Variants in WWC2 observed in about 807,000 individuals in gnomAD.
WWC2 encodes the protein protein WWC2.
Under a neutral mutation model 138.5 loss-of-function variants are expected in WWC2, and 101 were observed. The observed-to-expected ratio is 0.73, with a 90% confidence interval of 0.62 to 0.86. WWC2 has a LOEUF of 0.86. Among genes scored for constraint, WWC2 ranks in the 40% least tolerant of loss-of-function variants. The probability of loss-of-function intolerance (pLI) is 0.00; values close to 1 mark genes in which losing one functional copy is unlikely to be tolerated. For missense variants in WWC2, 1,420 were observed against 1,419.4 expected, an observed-to-expected ratio of 1.00 and a Z score of -0.01; for synonymous variants, 558 against 538.4, an observed-to-expected ratio of 1.04 and a Z score of -0.50.
chr4:183,213,834 T>C (rs970773020), intron 4 of WWC2, among the ~76,000 whole-genome samples: 2 of 152,168 alleles, frequency 1.3e-5, no homozygotes, highest in African/African-American at 4.8e-5. Flanking sequence ...GCAAAATTTA[T>C]TATTTATTTA....
chr4:183,270,757 C>T (rs1452852561), intron 15 of WWC2, among the ~76,000 whole-genome samples: 1 of 152,082 alleles, frequency 6.6e-6, no homozygotes, highest in Non-Finnish European at 1.5e-5. Context: ...GAGCAAGACT[C>T]CATCTCAAAA....
intron 21 of WWC2, among the ~76,000 whole-genome samples, chr4:183,312,101 T>C (rs1739270083): frequency 6.6e-6 from 1 of 152,216 alleles, no homozygotes; most frequent in Non-Finnish European, 1.5e-5. Flanking sequence ...ACATATTGCC[T>C]GTGTAATTAG....
chr4:183,148,166 G>T (rs1268683335), intron 1 of WWC2, among the ~76,000 whole-genome samples: 1 of 152,088 alleles, frequency 6.6e-6, no homozygotes, highest in Non-Finnish European at 1.5e-5. Context: ...CCCCTTCATG[G>T]ACAAATACCT....
At chr4:183,284,470 G>C in intron 19 of WWC2, 80 bp downstream of exon 19, 1 of 1,526,094 alleles carries the variant, frequency 6.6e-7, no homozygotes, top group African/African-American at 1.4e-5. Flanking sequence ...CAAAGGACAA[G>C]AGACTGTGCA....
At chr4:183,273,184 A>G (rs1737747556) in intron 16 of WWC2, among the ~76,000 whole-genome samples, 1 of 150,386 alleles carries the variant, frequency 6.6e-6, no homozygotes, top group South Asian at 2.1e-4. Flanking sequence ...CATTTCCCTA[A>G]TGACTAATGA....
At chr4:183,224,549 A>AGTTTTGTTTTTG (rs1736017342) in intron 4 of WWC2, among the ~76,000 whole-genome samples, 1 of 107,672 alleles carries the variant, frequency 9.3e-6, no homozygotes, top group African/African-American at 4.3e-5. Flanking sequence ...GTTTTTGTTT[A>AGTTTTGTTTTTG]GTTTTGTTTT....
intron 21 of WWC2, among the ~76,000 whole-genome samples, chr4:183,293,551 A>C (rs1485341585): frequency 1.3e-5 from 2 of 152,354 alleles, no homozygotes; most frequent in African/African-American, 2.4e-5. Flanking sequence ...TTTCTTTAAA[A>C]TCAAACACAA....
At chr4:183,306,573 AT>A (rs879541491) in intron 21 of WWC2, among the ~76,000 whole-genome samples, 82 of 147,466 alleles carry the variant, frequency 5.6e-4, no homozygotes, top group South Asian at 6.4e-4. Context: ...AGGGGTAACA[AT>A]TTTTTTTTTT....
At chr4:183,185,459 A>C (rs1560831521) in intron 1 of WWC2, among the ~76,000 whole-genome samples, 1 of 152,246 alleles carries the variant, frequency 6.6e-6, no homozygotes, top group Non-Finnish European at 1.5e-5. Context: ...CGTAAAAAAG[A>C]GGAAAGTATT....
chr4:183,313,722 C>T (rs1739339379), intron 22 of WWC2, among the ~76,000 whole-genome samples: 1 of 151,544 alleles, frequency 6.6e-6, no homozygotes, highest in African/African-American at 2.4e-5. Flanking sequence ...GCACCAATCA[C>T]TGAAGGGCTC....
Position 183,319,339 on chromosome 4 carries a change from A to G in WWC2, c.*3610A>G. On this transcript the variant is annotated 3_prime_UTR_variant, in exon 23 of 23. Coordinates refer to ENST00000403733, the MANE Select transcript of WWC2 (RefSeq NM_024949.6). ...AAATTGAGAAAACTCATCCACAGTA[A>G]TGGGTGTCATTACTATTCAGTCTTG... The G allele has an allele frequency of 1.9e-6, 1 of 520,704 alleles. No homozygotes were observed. The highest frequency in any genetic ancestry group is 3.3e-6 in the Non-Finnish European group (1 of 298,714). The allele number at this position is 520,704 out of a possible 1,614,324, so 32.3% of individuals were successfully genotyped here. A position where few individuals can be genotyped will look rare whatever the true frequency, so the allele number is the denominator to read the frequency against.
In WWC2 at chr4:183,099,499, G is replaced by A. The variant is rs1043877211; in HGVS notation, c.8G>A (p.Arg3Lys). ...CCGGCGAGGCCGCCGACCATGCCTA[G>A]GAGGGCCGGGAGCGGTCAGCTGCCG... MP[R>K]RAGSGQLPLP... Residue 3 changes from arginine to lysine, a missense_variant, in exon 1 of 23, where the codon AGG becomes AAG. By Grantham distance (26) the Arg-to-Lys change is conservative. Coordinates refer to ENST00000403733, the MANE Select transcript of WWC2 (RefSeq NM_024949.6). 12 of 1,354,534 alleles carry A rather than the reference G, an allele frequency of 8.9e-6. No individual in the cohort carries two copies. Among genetic ancestry groups the A allele is most frequent in the Non-Finnish European group, 1.2e-5 (12 of 1,038,212 alleles). The allele number at this position is 1,354,534 out of a possible 1,614,324, so 83.9% of individuals were successfully genotyped here. A position where few individuals can be genotyped will look rare whatever the true frequency, so the allele number is the denominator to read the frequency against.
chr4:183,105,614 GGCGCTGTGGCTCAC>G (rs1303004018), intron 1 of WWC2, among the ~76,000 whole-genome samples: 1 of 152,182 alleles, frequency 6.6e-6, no homozygotes, highest in Non-Finnish European at 1.5e-5. Flanking sequence ...GGACTTGCCG[GGCGCTGTGGCTCAC>G]GCCTGTAATC....
At chr4:183,135,631 G>A (rs954396433) in intron 1 of WWC2, among the ~76,000 whole-genome samples, 3 of 152,044 alleles carry the variant, frequency 2.0e-5, no homozygotes, top group Non-Finnish European at 4.4e-5. Flanking sequence ...TAGTATGTTT[G>A]TTTAATTCAC....
At chr4:183,132,647 G>A (rs1404081260) in intron 1 of WWC2, among the ~76,000 whole-genome samples, 6 of 151,912 alleles carry the variant, frequency 3.9e-5, no homozygotes, top group Admixed American at 3.9e-4. Flanking sequence ...TAGAGACGGG[G>A]TTTCACCGTG....
chr4:183,285,556 T>C (rs1738218813), intron 19 of WWC2, among the ~76,000 whole-genome samples: 1 of 152,030 alleles, frequency 6.6e-6, no homozygotes, highest in Non-Finnish European at 1.5e-5. Flanking sequence ...AGGTCAGAAG[T>C]TCGAGGCCAG....
At chr4:183,201,048 T>C (rs1206604823) in intron 2 of WWC2, among the ~76,000 whole-genome samples, 1 of 152,176 alleles carries the variant, frequency 6.6e-6, no homozygotes, top group African/African-American at 2.4e-5. Flanking sequence ...TATATAAATA[T>C]TGGAAATAGA....
Position 183,117,025 on chromosome 4 carries a change from C to T in WWC2, c.131+17403C>T, listed in dbSNP as rs149388761. Among the ~76,000 whole-genome samples the T allele has an allele frequency of 7.4e-4, 113 of 152,150 alleles. 1 individual carries two copies. The highest frequency in any genetic ancestry group is 2.6e-3 in the African/African-American group (107 of 41,532). ...CCTGTCCTGTCTCTGGTTCTAAAAACGGTTCAGTGTTGTCCCACAGCTTCT... is the reference window on the plus strand; with the variant it reads ...CCTGTCCTGTCTCTGGTTCTAAAAATGGTTCAGTGTTGTCCCACAGCTTCT... On this transcript the variant is annotated intron_variant, in intron 1 of 22. Transcript: ENST00000403733.
intron 16 of WWC2, among the ~76,000 whole-genome samples, chr4:183,278,959 A>G (rs2111397598): frequency 6.6e-6 from 1 of 151,596 alleles, no homozygotes; most frequent in Non-Finnish European, 1.5e-5. Flanking sequence ...TCCTAATTGA[A>G]TACCCTTTAT....
Sources: gnomAD v4.1 joint callset for allele counts (sites outside exome capture counted in the v4.1 genomes callset) on GRCh38, gnomAD v4.1.1 for gene constraint, MANE v1.5 for transcripts, NCBI Gene and HGNC (gene_info 2026-07-23, HGNC 2026-07-21) for gene names.